Variants in DIAPH3 observed in about 807,000 individuals in gnomAD.
DIAPH3 encodes protein diaphanous homolog 3.
Under a neutral mutation model 144.3 loss-of-function variants are expected in DIAPH3, and 117 were observed. The ratio of observed to expected loss-of-function variants is 0.81; its 90% CI spans 0.70 to 0.95. The LOEUF (loss-of-function observed/expected upper bound fraction) is 0.95, where lower values mean the gene tolerates loss of function less well. Ranked by LOEUF, DIAPH3 falls within the 40% of genes least tolerant of loss-of-function variation. DIAPH3 has a pLI of 0.00. For synonymous variants in DIAPH3, 519 were observed against 488.9 expected (o/e 1.06, Z -0.81); for missense variants, 1,421 against 1,412.7 (o/e 1.01, Z -0.09).
intron 21 of DIAPH3, among the ~76,000 whole-genome samples, chr13:59,862,432 G>GAAA (rs1259762664): frequency 1.3e-5 from 2 of 152,190 alleles, no homozygotes; most frequent in Non-Finnish European, 2.9e-5. Flanking sequence ...AGAGAAGCAT[G>GAAA]AAGAGTGAGT....
At chr13:59,839,144 G>A (rs1566392548) in intron 23 of DIAPH3, 180 bp downstream of exon 23, 5 of 592,402 alleles carry the variant, frequency 8.4e-6, no homozygotes, top group Non-Finnish European at 1.5e-5. Context: ...ACAGACATTT[G>A]TGTATTATTC....
In DIAPH3 at chr13:60,042,782, T is replaced by A. The variant is rs201847164; in HGVS notation, c.534A>T (p.Glu178Asp). The change falls in exon 5 of 28, where the codon GAA becomes GAT. Residue 178 changes from glutamate to aspartate, a missense_variant. Glu to Asp is a conservative substitution (Grantham distance 45, BLOSUM62 2). Transcript: ENST00000400324. ...LKRSRQISPQ[E>D]FIHELKMGSA... ...ACCCCATTTTCAGCTCATGAATGAATTCCTGAGGTGAGATCTGTCGGCTTC... is the reference window on the plus strand; with the variant it reads ...ACCCCATTTTCAGCTCATGAATGAAATCCTGAGGTGAGATCTGTCGGCTTC... 4.0e-5 allele frequency: 64 copies of A among 1,613,744 alleles called. 1 individual carries two copies. The highest frequency in any genetic ancestry group is 4.9e-5 in the Non-Finnish European group (58 of 1,179,760).
intron 4 of DIAPH3, among the ~76,000 whole-genome samples, chr13:60,069,326 G>T (rs771625697): frequency 6.6e-6 from 1 of 151,782 alleles, no homozygotes; most frequent in Non-Finnish European, 1.5e-5. Context: ...TTTTTTAATG[G>T]GGTTGTTTTT....
intron 27 of DIAPH3, among the ~76,000 whole-genome samples, chr13:59,756,713 G>A (rs752825334): frequency 6.6e-6 from 1 of 152,194 alleles, no homozygotes; most frequent in Non-Finnish European, 1.5e-5. Context: ...GGGGAAGGAG[G>A]TGTGAACCCA....
At chr13:60,025,464 A>G (rs1594392370) in intron 5 of DIAPH3, among the ~76,000 whole-genome samples, 1 of 151,796 alleles carries the variant, frequency 6.6e-6, no homozygotes. Flanking sequence ...CAAGTCTGAA[A>G]CATCCACTGT....
At chr13:59,711,142 A>T (rs886319529) in intron 27 of DIAPH3, among the ~76,000 whole-genome samples, 4 of 152,184 alleles carry the variant, frequency 2.6e-5, no homozygotes, top group Non-Finnish European at 5.9e-5. Context: ...AGTGTTCTTG[A>T]ACCGTGAAAG....
At chr13:60,064,388 G>A (rs1426284694) in intron 4 of DIAPH3, among the ~76,000 whole-genome samples, 1 of 152,188 alleles carries the variant, frequency 6.6e-6, no homozygotes, top group Non-Finnish European at 1.5e-5. Flanking sequence ...AATGATCTTA[G>A]TTACACCTTC....
chr13:59,885,589 C>A (rs1415180601), intron 20 of DIAPH3, among the ~76,000 whole-genome samples: 1 of 151,992 alleles, frequency 6.6e-6, no homozygotes, highest in Non-Finnish European at 1.5e-5. Context: ...GACTTTCCCC[C>A]CAACCCACCC....
chr13:59,980,426 G>A (rs557690789), intron 14 of DIAPH3, among the ~76,000 whole-genome samples: 1 of 151,578 alleles, frequency 6.6e-6, no homozygotes, highest in South Asian at 2.1e-4. Context: ...GATCTTTTTA[G>A]TTCTTACAAA....
chr13:59,744,743 G>A (rs2036622153), intron 27 of DIAPH3, among the ~76,000 whole-genome samples: 1 of 152,174 alleles, frequency 6.6e-6, no homozygotes, highest in Admixed American at 6.5e-5. Flanking sequence ...GGCCAGGAGT[G>A]GGGCAAGAGT....
chr13:59,846,721 G>GA (rs979964434), intron 22 of DIAPH3, among the ~76,000 whole-genome samples: 7 of 151,682 alleles, frequency 4.6e-5, no homozygotes, highest in Middle Eastern at 6.8e-3. Flanking sequence ...AAACAATACT[G>GA]AAAAAAAATC....
chr13:59,751,484 A>T (rs1443953556), intron 27 of DIAPH3, among the ~76,000 whole-genome samples: 1 of 152,232 alleles, frequency 6.6e-6, no homozygotes, highest in Non-Finnish European at 1.5e-5. Flanking sequence ...ACACCTTAAG[A>T]GGCAGCCTTT....
At chr13:59,675,363 T>C (rs2032587746) in intron 27 of DIAPH3, among the ~76,000 whole-genome samples, 1 of 151,834 alleles carries the variant, frequency 6.6e-6, no homozygotes, top group Admixed American at 6.6e-5. Flanking sequence ...CCACTGTGCC[T>C]AGCCTTTACA....
At position 59,879,397 on chromosome 13, in the gene DIAPH3, C is replaced by A. The variant is rs772086979; in HGVS notation, c.2439G>T (p.Val813=). 6.2e-7 allele frequency: 1 copy of A among 1,613,802 alleles called. No individual in the cohort carries two copies. Among genetic ancestry groups the A allele is most frequent in the African/African-American group, 1.3e-5 (1 of 75,016 alleles). ...CCATGATGTCAGGTTTGATGTTGTT[C>A]ACCTGCTCTTCAAACTGAAGCTTAA... ...ILFKLQFEEQ[V]NNIKPDIMAV... Residue 813 remains valine, a synonymous_variant, in exon 21 of 28, where the codon GTG becomes GTT. Coordinates refer to ENST00000400324, the MANE Select transcript of DIAPH3 (RefSeq NM_001042517.2).
chr13:60,047,005 T>C (rs1011944817), intron 4 of DIAPH3, among the ~76,000 whole-genome samples: 2 of 152,068 alleles, frequency 1.3e-5, no homozygotes, highest in Non-Finnish European at 2.9e-5. Context: ...GGGATAGCAT[T>C]AGGACAAATA....
At chr13:59,950,469 G>C (rs1005501210) in intron 17 of DIAPH3, among the ~76,000 whole-genome samples, 3 of 152,292 alleles carry the variant, frequency 2.0e-5, no homozygotes, top group South Asian at 2.1e-4. Flanking sequence ...AAAAGGAGTA[G>C]AGTAGGCAGA....
At chr13:59,720,768 T>G (rs1417783061) in intron 27 of DIAPH3, among the ~76,000 whole-genome samples, 1 of 152,172 alleles carries the variant, frequency 6.6e-6, no homozygotes, top group Admixed American at 6.5e-5. Flanking sequence ...AGAAGAAGCT[T>G]AGCAGAACAC....
chr13:59,720,041 C>T (rs1361419292), intron 27 of DIAPH3, among the ~76,000 whole-genome samples: 1 of 152,090 alleles, frequency 6.6e-6, no homozygotes, highest in Non-Finnish European at 1.5e-5. Flanking sequence ...CTGAGAAATG[C>T]GTCACTGTGA....
chr13:59,717,440 C>T (rs1033802597), intron 27 of DIAPH3, among the ~76,000 whole-genome samples: 1 of 152,100 alleles, frequency 6.6e-6, no homozygotes, highest in African/African-American at 2.4e-5. Flanking sequence ...CTGTTGCTTC[C>T]TCTACTTTCA....
Sources: allele counts gnomAD v4.1 joint callset (sites outside exome capture counted in the v4.1 genomes callset), GRCh38; gene constraint gnomAD v4.1.1; transcripts MANE v1.5; gene names NCBI Gene and HGNC (gene_info 2026-07-23, HGNC 2026-07-21).